The following DNAJB4 variants were observed in gnomAD, a reference collection of about 807,000 sequenced individuals.
The protein encoded by DNAJB4 is dnaJ homolog subfamily B member 4.
In DNAJB4, 10 loss-of-function variants were observed where a neutral mutation model predicts 26.6. That is an observed-to-expected ratio of 0.38 (90% CI 0.23 to 0.64). The LOEUF is 0.64. Ranked by LOEUF, DNAJB4 falls within the 30% of genes least tolerant of loss-of-function variation. DNAJB4 has a pLI of 0.58. For synonymous variants in DNAJB4, 136 were observed against 134.8 expected (o/e 1.01, Z -0.06); for missense variants, 328 against 408.2 (o/e 0.80, Z 1.69).
upstream of DNAJB4, among the ~76,000 whole-genome samples, chr1:78,000,602 CAG>C (rs1260172227): frequency 1.3e-5 from 2 of 152,144 alleles, no homozygotes; most frequent in Non-Finnish European, 2.9e-5. Flanking sequence ...GCACTGTTAA[CAG>C]AGTTTAAAAG....
chr1:78,010,841 TACTCA>T, intron 1 of DNAJB4, among the ~76,000 whole-genome samples: 1 of 152,358 alleles, frequency 6.6e-6, no homozygotes, highest in Middle Eastern at 3.4e-3. Context: ...TCTGTACCGA[TACTCA>T]AGACACCTTT....
chr1:77,999,330 T>G (rs1434899561), intron 1 of DNAJB4, among the ~76,000 whole-genome samples: 2 of 152,192 alleles, frequency 1.3e-5, no homozygotes, highest in Non-Finnish European at 2.9e-5. Flanking sequence ...CTTTGAAATC[T>G]TATCACTTGA....
chr1:77,982,856 A>G (rs563545511), intron 1 of DNAJB4, among the ~76,000 whole-genome samples: 25 of 152,334 alleles, frequency 1.6e-4, no homozygotes, highest in Admixed American at 1.0e-3. Context: ...AACTGATTTA[A>G]TTGGACTATA....
At chr1:77,994,674 A>T (rs1660020130) in intron 1 of DNAJB4, among the ~76,000 whole-genome samples, 1 of 151,992 alleles carries the variant, frequency 6.6e-6, no homozygotes, top group Non-Finnish European at 1.5e-5. Context: ...ATGAGAAGAG[A>T]CATTTTAGAA....
intron 1 of DNAJB4, among the ~76,000 whole-genome samples, chr1:78,007,222 C>T (rs1326715218): frequency 1.3e-5 from 2 of 151,666 alleles, no homozygotes; most frequent in African/African-American, 2.4e-5. Flanking sequence ...GGAGAGAATG[C>T]CTTTTTTAAA....
intron 1 of DNAJB4, among the ~76,000 whole-genome samples, chr1:77,994,057 A>G (rs1220582246): frequency 6.6e-6 from 1 of 152,208 alleles, no homozygotes; most frequent in East Asian, 1.9e-4. Context: ...TAATGGATGC[A>G]GTATACGATA....
chr1:77,995,047 C>G (rs768437087), intron 1 of DNAJB4, among the ~76,000 whole-genome samples: 1 of 152,102 alleles, frequency 6.6e-6, no homozygotes, highest in Non-Finnish European at 1.5e-5. Context: ...TAGCCACTAG[C>G]CACATGAGAC....
At chr1:78,009,432 G>C (rs1400563676) in intron 1 of DNAJB4, among the ~76,000 whole-genome samples, 1 of 152,186 alleles carries the variant, frequency 6.6e-6, no homozygotes, top group Non-Finnish European at 1.5e-5. Flanking sequence ...TGACTGGTTA[G>C]TTGTAAAATA....
upstream of DNAJB4, among the ~76,000 whole-genome samples, chr1:78,002,938 C>G (rs1196098507): frequency 6.6e-6 from 1 of 151,998 alleles, no homozygotes; most frequent in Non-Finnish European, 1.5e-5. Context: ...ATATGAAAGA[C>G]CCGGTCTTCA....
intron 1 of DNAJB4, among the ~76,000 whole-genome samples, chr1:77,980,730 C>T (rs1659584216): frequency 6.6e-6 from 1 of 152,100 alleles, no homozygotes; most frequent in Non-Finnish European, 1.5e-5. Context: ...GTAATGTGTT[C>T]ATTTGCTTAA....
At chr1:78,007,522 A>G (rs1306392389) in intron 1 of DNAJB4, among the ~76,000 whole-genome samples, 1 of 152,200 alleles carries the variant, frequency 6.6e-6, no homozygotes, top group African/African-American at 2.4e-5. Flanking sequence ...CAGAGGTTGC[A>G]GTGAGCCGAG....
chr1:77,981,652 AT>A (rs1372389789), intron 1 of DNAJB4, among the ~76,000 whole-genome samples: 1 of 152,168 alleles, frequency 6.6e-6, no homozygotes, highest in African/African-American at 2.4e-5. Flanking sequence ...GGAAAAATTA[AT>A]GCTTGAGACA....
chr1:78,001,469 G>T (rs180771453), upstream of DNAJB4, among the ~76,000 whole-genome samples: 48 of 152,268 alleles, frequency 3.2e-4, no homozygotes, highest in South Asian at 6.2e-4. Flanking sequence ...TTTAAGTGAT[G>T]ATCTGAATTT....
upstream of DNAJB4, among the ~76,000 whole-genome samples, chr1:78,003,113 T>C (rs1302491358): frequency 6.6e-6 from 1 of 152,130 alleles, no homozygotes; most frequent in Admixed American, 6.5e-5. Context: ...TAAGGAATAT[T>C]TAAAGGAACT....
intron 1 of DNAJB4, among the ~76,000 whole-genome samples, chr1:77,990,449 G>A (rs768217850): frequency 1.3e-5 from 2 of 152,162 alleles, no homozygotes; most frequent in Non-Finnish European, 2.9e-5. Flanking sequence ...ATATTGTTGT[G>A]TTGGTTTTTG....
chr1:78,005,171 A>G lies in DNAJB4; in HGVS notation c.61A>G (p.Lys21Glu). ...GAAAGGAGCTTCAGATGAAGATATT[A>G]AAAAGGCTTACCGAAAACAAGCCCT... ...IEKGASDEDI[K>E]KAYRKQALKF... Residue 21 changes from lysine to glutamate, a missense_variant, in exon 1 of 3, where the codon AAA becomes GAA. By Grantham distance (56) the Lys-to-Glu change is moderately conservative. Coordinates refer to ENST00000370763, the MANE Select transcript of DNAJB4 (RefSeq NM_007034.5). The G allele has an allele frequency of 6.2e-7, 1 of 1,614,156 alleles. No homozygotes were observed. Among genetic ancestry groups the G allele is most frequent in the African/African-American group, 1.3e-5 (1 of 75,050 alleles).
At chr1:77,997,994 T>C (rs1291935605) in intron 1 of DNAJB4, among the ~76,000 whole-genome samples, 1 of 152,120 alleles carries the variant, frequency 6.6e-6, no homozygotes, top group Admixed American at 6.6e-5. Context: ...TGGCTGGTCT[T>C]GAACTCCTGG....
chr1:78,014,362 C>A (rs1412074642), intron 2 of DNAJB4, among the ~76,000 whole-genome samples: 1 of 152,018 alleles, frequency 6.6e-6, no homozygotes, highest in Non-Finnish European at 1.5e-5. Flanking sequence ...CTTGCCTTGG[C>A]CTCCCAAAGT....
intron 1 of DNAJB4, among the ~76,000 whole-genome samples, chr1:77,995,413 T>C (rs1399449509): frequency 6.6e-6 from 1 of 152,216 alleles, no homozygotes; most frequent in Non-Finnish European, 1.5e-5. Context: ...TTTAAAATGA[T>C]GTAGAAACTC....
Sources: gnomAD v4.1 joint callset for allele counts (sites outside exome capture counted in the v4.1 genomes callset) on GRCh38, gnomAD v4.1.1 for gene constraint, MANE v1.5 for transcripts, NCBI Gene and HGNC (gene_info 2026-07-23, HGNC 2026-07-21) for gene names.